Variants in GRID2 observed in about 807,000 individuals in gnomAD.
The protein encoded by GRID2 is glutamate receptor ionotropic, delta-2.
GRID2 carries 33 observed loss-of-function variants against 114.8 expected under a neutral mutation model. That is an observed-to-expected ratio of 0.29 (90% CI 0.22 to 0.38). The LOEUF is 0.38. Among genes scored for constraint, GRID2 ranks in the 10% least tolerant of loss-of-function variants. The pLI, the probability that GRID2 is intolerant of heterozygous loss-of-function variation, is 1.00. For synonymous variants in GRID2, 505 were observed against 449.9 expected (o/e 1.12, Z -1.55); for missense variants, 1,184 against 1,257.7 (o/e 0.94, Z 0.89).
chr4:92,335,986 A>C (rs1727141588), intron 1 of GRID2, among the ~76,000 whole-genome samples: 1 of 152,168 alleles, frequency 6.6e-6, no homozygotes. Context: ...AAATGCAAAA[A>C]AATTAAATTG....
In GRID2 at chr4:92,891,104, G is replaced by C. The variant is rs532002134; in HGVS notation, c.245-193891G>C. ...CAGGGAGGGGAACATCACACACCAGGGGCCTGTTGGGGAGTCGCGGGGGCT... is the reference window on the plus strand; with the variant it reads ...CAGGGAGGGGAACATCACACACCAGCGGCCTGTTGGGGAGTCGCGGGGGCT... On this transcript the variant is annotated intron_variant, in intron 2 of 15. Transcript: ENST00000282020. Among the ~76,000 whole-genome samples the C allele has an allele frequency of 1.0e-3, 153 of 152,130 alleles. 1 individual carries two copies. The highest frequency in any genetic ancestry group is 1.2e-3 in the Non-Finnish European group (83 of 68,004).
chr4:92,846,184 A>G (rs1048775577), intron 2 of GRID2, among the ~76,000 whole-genome samples: 2 of 152,000 alleles, frequency 1.3e-5, no homozygotes, highest in Admixed American at 6.6e-5. Context: ...CTTTTATTTT[A>G]GGTTCAGGGG....
At position 93,560,222 on chromosome 4, in the gene GRID2, TAAAAAAAAAAAAAAAAA is replaced by T. The variant is rs70942974; in HGVS notation, c.2193+44826_2193+44842del. On this transcript the variant is annotated intron_variant, in intron 13 of 15. Coordinates refer to ENST00000282020, the MANE Select transcript of GRID2 (RefSeq NM_001510.4). The stretch of plus-strand genomic sequence containing the variant: ...TACGCATGTATTCCAGAACTTAAAG[TAAAAAAAAAAAAAAAAA>T]AAAAAAAAAAAAAACAGAAAGAAAT... 1.9e-4 allele frequency among the ~76,000 whole-genome samples: 8 copies of T among 42,956 alleles called. No individual in the cohort carries two copies. The Admixed American group carries it at 2.8e-3, about 15-fold the overall frequency. The allele number at this position is 42,956 out of a possible 152,430, so 28.2% of individuals were successfully genotyped here. A position where few individuals can be genotyped will look rare whatever the true frequency, so the allele number is the denominator to read the frequency against.
At chr4:93,448,490 T>C (rs1487363928) in intron 10 of GRID2, among the ~76,000 whole-genome samples, 2 of 151,954 alleles carry the variant, frequency 1.3e-5, no homozygotes, top group Non-Finnish European at 2.9e-5. Context: ...TTCTCAAGCA[T>C]ACATGGAACA....
rs146808399 is a variant in GRID2, at chr4:93,191,570, T to G, written c.736-15834T>G. On this transcript the variant is annotated intron_variant, in intron 4 of 15. Coordinates refer to ENST00000282020, the MANE Select transcript of GRID2 (RefSeq NM_001510.4). ...AAATTATAAATTGTGCACAGAGCCA[T>G]TATTACATATCTTTATTTCTTTATC... Among the ~76,000 whole-genome samples the G allele has an allele frequency of 8.5e-5, 13 of 152,244 alleles. 1 individual carries two copies. Among genetic ancestry groups the G allele is most frequent in the African/African-American group, 2.9e-4 (12 of 41,580 alleles).
chr4:92,305,180 G>T (rs1201723243), intron 1 of GRID2, among the ~76,000 whole-genome samples: 1 of 152,180 alleles, frequency 6.6e-6, no homozygotes, highest in African/African-American at 2.4e-5. Flanking sequence ...TGGGCTGGGG[G>T]GTAGGGGGAG....
At chr4:93,244,218 C>T (rs569045759) in intron 8 of GRID2, among the ~76,000 whole-genome samples, 27 of 151,868 alleles carry the variant, frequency 1.8e-4, no homozygotes, top group African/African-American at 5.1e-4. Context: ...TTATCACAAA[C>T]GGAATAAGGC....
At chr4:93,074,094 A>G (rs1729053659) in intron 2 of GRID2, among the ~76,000 whole-genome samples, 1 of 152,338 alleles carries the variant, frequency 6.6e-6, no homozygotes, top group South Asian at 2.1e-4. Flanking sequence ...CACAGGCCCT[A>G]TTCTAAATAC....
chr4:93,627,861 T>C (rs1742865461), intron 14 of GRID2, among the ~76,000 whole-genome samples: 2 of 151,982 alleles, frequency 1.3e-5, no homozygotes, highest in Non-Finnish European at 2.9e-5. Flanking sequence ...ACCCCACATA[T>C]AGGGAAGGAA....
chr4:93,038,390 C>T (rs1234877950), intron 2 of GRID2, among the ~76,000 whole-genome samples: 2 of 152,028 alleles, frequency 1.3e-5, no homozygotes, highest in Non-Finnish European at 2.9e-5. Flanking sequence ...TTTATGTAGC[C>T]AACAAACATA....
intron 13 of GRID2, among the ~76,000 whole-genome samples, chr4:93,597,031 A>T (rs576761302): frequency 5.3e-5 from 8 of 152,230 alleles, no homozygotes; most frequent in Admixed American, 3.3e-4. Context: ...AAAGAAAATT[A>T]TCAGTAGACA....
intron 8 of GRID2, among the ~76,000 whole-genome samples, chr4:93,322,442 A>G (rs978986075): frequency 2.0e-5 from 3 of 152,120 alleles, no homozygotes; most frequent in Admixed American, 2.0e-4. Context: ...AATCCAGTCT[A>G]TCATTGATGG....
At chr4:92,852,656 C>G (rs947466506) in intron 2 of GRID2, among the ~76,000 whole-genome samples, 13 of 151,894 alleles carry the variant, frequency 8.6e-5, no homozygotes, top group African/African-American at 2.7e-4. Flanking sequence ...GCCACAGATT[C>G]CATTAACCAT....
chr4:92,347,675 T>C (rs1727840037), intron 1 of GRID2, among the ~76,000 whole-genome samples: 1 of 152,088 alleles, frequency 6.6e-6, no homozygotes, highest in South Asian at 2.1e-4. Flanking sequence ...TACTGTGTGC[T>C]CAGAAATTAC....
At chr4:93,161,177 A>G (rs1375522790) in intron 4 of GRID2, among the ~76,000 whole-genome samples, 1 of 152,060 alleles carries the variant, frequency 6.6e-6, no homozygotes, top group African/African-American at 2.4e-5. Context: ...GATTTAAGGA[A>G]CAGTACATAT....
chr4:92,894,005 C>T (rs1223653687), intron 2 of GRID2, among the ~76,000 whole-genome samples: 1 of 151,752 alleles, frequency 6.6e-6, no homozygotes, highest in Non-Finnish European at 1.5e-5. Context: ...AATTAATTAC[C>T]TAGAGTGTGG....
chr4:92,600,305 G>A (rs1217882573), intron 2 of GRID2, among the ~76,000 whole-genome samples: 1 of 151,566 alleles, frequency 6.6e-6, no homozygotes, highest in African/African-American at 2.4e-5. Context: ...GGTATAGAGG[G>A]CTCAGGTGAG....
chr4:93,332,475 ATTAC>A (rs1270630114), intron 8 of GRID2, among the ~76,000 whole-genome samples: 4 of 151,946 alleles, frequency 2.6e-5, no homozygotes, highest in Admixed American at 2.6e-4. Flanking sequence ...AGTTGTTTCT[ATTAC>A]TTACAACCAG....
chr4:92,459,446 T>A (rs962229953), intron 1 of GRID2, among the ~76,000 whole-genome samples: 5 of 152,188 alleles, frequency 3.3e-5, no homozygotes, highest in Non-Finnish European at 5.9e-5. Context: ...CTTCAATATT[T>A]AGTTGGACAA....
Sources: gnomAD v4.1 joint callset for allele counts (sites outside exome capture counted in the v4.1 genomes callset) on GRCh38, gnomAD v4.1.1 for gene constraint, MANE v1.5 for transcripts, NCBI Gene and HGNC (gene_info 2026-07-23, HGNC 2026-07-21) for gene names.